The following IL1RAPL1 variants were observed in gnomAD, a reference collection of about 807,000 sequenced individuals.
IL1RAPL1 encodes interleukin-1 receptor accessory protein-like 1.
A neutral mutation model predicts 48.4 loss-of-function variants in IL1RAPL1; 3 were observed. The ratio of observed to expected loss-of-function variants is 0.06; its 90% CI spans 0.03 to 0.16. The LOEUF is 0.16. Ranked by LOEUF, IL1RAPL1 falls within the 10% of genes least tolerant of loss-of-function variation. The pLI is 1.00. For synonymous variants in IL1RAPL1, 185 were observed against 187.7 expected (o/e 0.99, Z 0.12); for missense variants, 349 against 530.6 (o/e 0.66, Z 3.36).
At chrX:29,882,195 G>A (rs1932046918) in intron 6 of IL1RAPL1, among the ~76,000 whole-genome samples, 1 of 111,513 alleles carries the variant, frequency 9.0e-6, no homozygotes, top group Non-Finnish European at 1.9e-5. Context: ...ATGTTGCCAA[G>A]TATATCCAGG....
At chrX:29,879,681 G>A (rs1000928284) in intron 6 of IL1RAPL1, among the ~76,000 whole-genome samples, 1 of 109,830 alleles carries the variant, frequency 9.1e-6, no homozygotes, top group Non-Finnish European at 1.9e-5. Flanking sequence ...TAAAAATATC[G>A]TGAAGTCTTT....
At chrX:29,301,849 A>T (rs1932540783) in intron 3 of IL1RAPL1, among the ~76,000 whole-genome samples, 1 of 111,118 alleles carries the variant, frequency 9.0e-6, no homozygotes, top group Admixed American at 9.7e-5. Flanking sequence ...TACACAGAAG[A>T]CAGGTCTCTG....
chrX:28,779,684 T>C (rs1393213022), intron 1 of IL1RAPL1, among the ~76,000 whole-genome samples: 1 of 84,281 alleles, frequency 1.2e-5, no homozygotes, highest in African/African-American at 4.2e-5. Context: ...ATATAGAATG[T>C]GGAAAGATTG....
chrX:29,905,193 T>G (rs1932582863), intron 6 of IL1RAPL1, among the ~76,000 whole-genome samples: 1 of 109,592 alleles, frequency 9.1e-6, no homozygotes, highest in Non-Finnish European at 1.9e-5. Context: ...TCTGTTCATA[T>G]CCTTTGCCCA....
intron 5 of IL1RAPL1, among the ~76,000 whole-genome samples, chrX:29,585,024 A>T (rs1003929082): frequency 9.0e-6 from 1 of 111,716 alleles, no homozygotes; most frequent in Admixed American, 9.5e-5. Flanking sequence ...TAATTTCCTC[A>T]TCTTCTTTTT....
intron 5 of IL1RAPL1, among the ~76,000 whole-genome samples, chrX:29,523,452 GTTAAGTCA>G (rs1935522594): frequency 9.0e-6 from 1 of 111,587 alleles, no homozygotes. Context: ...TTCAAAATTT[GTTAAGTCA>G]TTTCAAACTG....
intron 6 of IL1RAPL1, among the ~76,000 whole-genome samples, chrX:29,848,731 C>T (rs1317192796): frequency 1.8e-5 from 2 of 111,676 alleles, no homozygotes; most frequent in African/African-American, 6.5e-5. Context: ...CTGGTCTGGA[C>T]TCTGTCACTG....
intron 2 of IL1RAPL1, among the ~76,000 whole-genome samples, chrX:28,938,861 G>C (rs1182097491): frequency 1.8e-5 from 2 of 110,490 alleles, no homozygotes; most frequent in African/African-American, 6.6e-5. Context: ...AAGTGGGCAA[G>C]GGCATGAACA....
intron 2 of IL1RAPL1, among the ~76,000 whole-genome samples, chrX:29,262,095 T>C (rs1931871079): frequency 9.0e-6 from 1 of 111,534 alleles, no homozygotes; most frequent in Non-Finnish European, 1.9e-5. Context: ...ACTGCTGTCC[T>C]TGAGTACAAA....
intron 2 of IL1RAPL1, among the ~76,000 whole-genome samples, chrX:28,972,450 T>C (rs1601987631): frequency 9.0e-6 from 1 of 111,570 alleles, no homozygotes; most frequent in African/African-American, 3.3e-5. Flanking sequence ...TCAAAACATG[T>C]GCTGTGGGTC....
chrX:29,366,310 G>A (rs981543817), intron 3 of IL1RAPL1, among the ~76,000 whole-genome samples: 5 of 109,986 alleles, frequency 4.5e-5, no homozygotes, highest in Non-Finnish European at 7.6e-5. Flanking sequence ...ACTGTATGCT[G>A]ATAGATTTTG....
intron 5 of IL1RAPL1, among the ~76,000 whole-genome samples, chrX:29,624,681 CAA>C (rs760717696): frequency 4.9e-5 from 4 of 82,057 alleles, no homozygotes; most frequent in African/African-American, 1.7e-4. Context: ...ACAAAAAATA[CAA>C]AAAAAAAAAA....
intron 6 of IL1RAPL1, among the ~76,000 whole-genome samples, chrX:29,884,652 C>CCTAA (rs760612820): frequency 9.0e-6 from 1 of 111,118 alleles, no homozygotes; most frequent in African/African-American, 3.3e-5. Flanking sequence ...ATCTTGCATA[C>CCTAA]CTAACTGTCT....
At chrX:29,884,587 C>G (rs1223813136) in intron 6 of IL1RAPL1, among the ~76,000 whole-genome samples, 1 of 111,436 alleles carries the variant, frequency 9.0e-6, no homozygotes, top group Non-Finnish European at 1.9e-5. Flanking sequence ...TGAGCTCATC[C>G]TATCTATATG....
chrX:29,800,592 C>T (rs1364431612), intron 6 of IL1RAPL1, among the ~76,000 whole-genome samples: 2 of 109,744 alleles, frequency 1.8e-5, no homozygotes, highest in African/African-American at 6.6e-5. Flanking sequence ...GCCAAATTAG[C>T]AATATAGTTT....
chrX:29,157,553 A>G (rs1929593375), intron 2 of IL1RAPL1, among the ~76,000 whole-genome samples: 1 of 111,789 alleles, frequency 8.9e-6, no homozygotes, highest in South Asian at 3.8e-4. Flanking sequence ...TTTACCCTAA[A>G]TATCTCAGTG....
intron 5 of IL1RAPL1, among the ~76,000 whole-genome samples, chrX:29,427,801 G>A (rs1041096835): frequency 1.4e-4 from 16 of 111,667 alleles, no homozygotes; most frequent in Non-Finnish European, 2.8e-4. Flanking sequence ...TGGGACCAAG[G>A]GTAGGTTATT....
intron 5 of IL1RAPL1, among the ~76,000 whole-genome samples, chrX:29,667,706 G>A (rs1242313311): frequency 8.9e-6 from 1 of 112,059 alleles, no homozygotes; most frequent in African/African-American, 3.2e-5. Flanking sequence ...AGATTTGTGG[G>A]CTGATAATTG....
chrX:29,440,952 G>C (rs1177932585), intron 5 of IL1RAPL1, among the ~76,000 whole-genome samples: 1 of 112,038 alleles, frequency 8.9e-6, no homozygotes, highest in Non-Finnish European at 1.9e-5. Context: ...TGTGATTAAT[G>C]TATGCAGTAT....
Sources: allele counts gnomAD v4.1 joint callset (sites outside exome capture counted in the v4.1 genomes callset), GRCh38; gene constraint gnomAD v4.1.1; transcripts MANE v1.5; gene names NCBI Gene and HGNC (gene_info 2026-07-23, HGNC 2026-07-21).